Variants in NSG2 observed in about 807,000 individuals in gnomAD.
The protein encoded by NSG2 is neuronal vesicle trafficking associated 2, also known as neuronal vesicle trafficking-associated protein 2.
Under a neutral mutation model 16.9 loss-of-function variants are expected in NSG2, and 4 were observed. That is an observed-to-expected ratio of 0.24 (90% confidence interval 0.12 to 0.54). NSG2 has a LOEUF of 0.54. NSG2 is among the 20% of genes least tolerant of loss of function. The pLI, the probability that NSG2 is intolerant of heterozygous loss-of-function variation, is 0.95. For synonymous variants in NSG2, 98 were observed against 88.7 expected, an observed-to-expected ratio of 1.11 and a Z score of -0.59; for missense variants, 179 against 221.1, an observed-to-expected ratio of 0.81 and a Z score of 1.21.
chr5:174,087,078 A>G (rs1205697262), intron 3 of NSG2, among the ~76,000 whole-genome samples: 1 of 152,192 alleles, frequency 6.6e-6, no homozygotes, highest in Non-Finnish European at 1.5e-5. Context: ...TATTGCTCAT[A>G]TAAAGTTTGA....
In NSG2 at chr5:174,107,302, T is replaced by C. The variant is rs1306414486; in HGVS notation, c.325-12T>C. ...GCTGAATGACCCCTGACTCTGTCTC[T>C]TTCTTCCCCAGCACAAACGCTGTAT... On this transcript the variant is annotated splice_polypyrimidine_tract_variant and intron_variant, in intron 4 of 4. Coordinates refer to ENST00000303177, the MANE Select transcript of NSG2 (RefSeq NM_015980.5). The surrounding 1 kb of genome is among the most constrained non-coding windows in gnomAD (Gnocchi z 4.5). 2.0e-6 allele frequency: 3 copies of C among 1,537,950 alleles called. No individual in the cohort carries two copies. The highest frequency in any genetic ancestry group is 2.6e-6 in the Non-Finnish European group (3 of 1,137,450).
At chr5:174,106,025 C>G (rs1399470408) in intron 4 of NSG2, among the ~76,000 whole-genome samples, 1 of 152,130 alleles carries the variant, frequency 6.6e-6, no homozygotes, top group Non-Finnish European at 1.5e-5. Flanking sequence ...GAAGGCAGGC[C>G]TCCATACACG....
chr5:174,078,186 C>A (rs1484893562), intron 3 of NSG2, among the ~76,000 whole-genome samples: 1 of 152,162 alleles, frequency 6.6e-6, no homozygotes, highest in African/African-American at 2.4e-5. Flanking sequence ...GCAGAAAGTT[C>A]TGTTAGTCCA....
chr5:174,047,972 C>A (rs1056639626), intron 2 of NSG2, among the ~76,000 whole-genome samples: 2 of 152,168 alleles, frequency 1.3e-5, no homozygotes, highest in Non-Finnish European at 2.9e-5. Context: ...TTGGCTTCAA[C>A]CAATCAACAG....
chr5:174,080,554 T>TCTCTCTCTCTCTCTCTCTCTC (rs1398255846), intron 3 of NSG2, among the ~76,000 whole-genome samples: 21 of 146,058 alleles, frequency 1.4e-4, no homozygotes, highest in African/African-American at 2.1e-4. Context: ...TCTCTCTTTC[T>TCTCTCTCTCTCTCTCTCTCTC]TTTCTTTCTT....
intron 3 of NSG2, among the ~76,000 whole-genome samples, chr5:174,098,737 C>T (rs867915604): frequency 6.6e-6 from 1 of 152,138 alleles, no homozygotes; most frequent in African/African-American, 2.4e-5. Flanking sequence ...GCACAGCATC[C>T]GGCTCACAGT....
At chr5:174,097,577 GTGTC>G (rs1476310651) in intron 3 of NSG2, among the ~76,000 whole-genome samples, 3 of 146,266 alleles carry the variant, frequency 2.1e-5, no homozygotes, top group South Asian at 2.2e-4. Context: ...AACTGTGTGT[GTGTC>G]TGTGTGTGTG....
At chr5:174,095,912 A>T (rs1760788978) in intron 3 of NSG2, among the ~76,000 whole-genome samples, 1 of 152,252 alleles carries the variant, frequency 6.6e-6, no homozygotes, top group Non-Finnish European at 1.5e-5. Context: ...ATAATTAGTG[A>T]ATAAAATATC....
In NSG2 at chr5:174,064,270, G is replaced by C. The variant is rs750652527; in HGVS notation, c.168G>C (p.Gln56His). The C allele has an allele frequency of 6.2e-7, 1 of 1,612,274 alleles. No individual in the cohort carries two copies. The highest frequency in any genetic ancestry group is 1.1e-5 in the South Asian group (1 of 90,656). ...VKTRTEYQPE[Q>H]KNKGKFRVPK... ...CAAGAACGGAATATCAGCCGGAACAGAAGAACAAAGGGAAGTTCCGGGTGC... is the reference window on the plus strand; with the variant it reads ...CAAGAACGGAATATCAGCCGGAACACAAGAACAAAGGGAAGTTCCGGGTGC... Residue 56 changes from glutamine to histidine, a missense_variant, in exon 3 of 5, where the codon CAG (glutamine) becomes CAC (histidine). Coordinates refer to ENST00000303177, the MANE Select transcript of NSG2 (RefSeq NM_015980.5).
chr5:174,107,388 C>T lies in NSG2; in HGVS notation c.399C>T (p.Tyr133=). 2 of 1,608,526 alleles carry T rather than the reference C, an allele frequency of 1.2e-6. No individual in the cohort carries two copies. The highest frequency in any genetic ancestry group is 8.5e-7 in the Non-Finnish European group (1 of 1,175,578). The change falls in exon 5 of 5, where the codon TAC becomes TAT. Residue 133 remains tyrosine (Y), a synonymous_variant. Transcript: ENST00000303177. This position sits in a 1 kb window ranked among gnomAD's most constrained non-coding sequence, Gnocchi z 4.5. ...SQDPNSRSRF[Y]TVISHYSVAK... Reference sequence around the variant, plus strand: ...ACCCCAATTCCAGAAGCCGCTTCTACACAGTCATCAGCCACTACAGCGTGG... The same window carrying T: ...ACCCCAATTCCAGAAGCCGCTTCTATACAGTCATCAGCCACTACAGCGTGG...
chr5:174,093,551 G>C (rs1464874601), intron 3 of NSG2, among the ~76,000 whole-genome samples: 1 of 152,168 alleles, frequency 6.6e-6, no homozygotes, highest in African/African-American at 2.4e-5. Flanking sequence ...AAGAACCCAG[G>C]TGTCATCTGG....
At chr5:174,082,255 G>T (rs1760491813) in intron 3 of NSG2, 1 of 152,188 alleles carries the variant, frequency 6.6e-6, no homozygotes, top group African/African-American at 2.4e-5. Flanking sequence ...GGGGTAGATG[G>T]TATGGATGAT....
At chr5:174,088,292 G>A (rs1043412928) in intron 3 of NSG2, among the ~76,000 whole-genome samples, 2 of 152,218 alleles carry the variant, frequency 1.3e-5, no homozygotes, top group African/African-American at 4.8e-5. Context: ...GGTGGTAATA[G>A]TGGGAGAAGC....
At chr5:174,091,604 G>A (rs1165064464) in intron 3 of NSG2, among the ~76,000 whole-genome samples, 8 of 151,852 alleles carry the variant, frequency 5.3e-5, no homozygotes, top group African/African-American at 1.9e-4. Flanking sequence ...TGGGAGGCAT[G>A]CCAGTAGCAG....
chr5:174,051,247 C>CA (rs1759884292), intron 2 of NSG2, among the ~76,000 whole-genome samples: 1 of 152,100 alleles, frequency 6.6e-6, no homozygotes, highest in African/African-American at 2.4e-5. Context: ...CCAAGTCCCC[C>CA]AGTCCTGCCC....
chr5:174,095,832 G>A (rs1760787741), intron 3 of NSG2, among the ~76,000 whole-genome samples: 1 of 152,238 alleles, frequency 6.6e-6, no homozygotes, highest in African/African-American at 2.4e-5. Flanking sequence ...TATGCAAGCA[G>A]GGATTCCCCT....
intron 3 of NSG2, among the ~76,000 whole-genome samples, chr5:174,073,248 C>T (rs1449688205): frequency 6.6e-6 from 1 of 152,212 alleles, no homozygotes; most frequent in Non-Finnish European, 1.5e-5. Context: ...AATTTTTCAT[C>T]AAAACTCCAG....
intron 3 of NSG2, among the ~76,000 whole-genome samples, chr5:174,096,960 T>C (rs570163767): frequency 6.6e-6 from 1 of 152,292 alleles, no homozygotes; most frequent in Admixed American, 6.5e-5. Flanking sequence ...CTGGGGAACC[T>C]TGGGGAAGTC....
rs1052752933 is a variant in NSG2 at position 174,045,826 on chromosome 5, C to T, written c.-40C>T. 1 of 152,432 alleles carries T rather than the reference C, an allele frequency of 6.6e-6. No individual in the cohort carries two copies. Among genetic ancestry groups the T allele is most frequent in the Non-Finnish European group, 1.5e-5 (1 of 68,096 alleles). The allele number at this position is 152,432 out of a possible 1,614,324, so 9.4% of individuals were successfully genotyped here. A position where few individuals can be genotyped will look rare whatever the true frequency, so the allele number is the denominator to read the frequency against. The stretch of plus-strand genomic sequence containing the variant: ...AAATTGGCTTGAATCTGCTCTGACC[C>T]CCCACGAGTGCAGCACAGTAAGTAG... On this transcript the variant is annotated 5_prime_UTR_variant, in exon 1 of 5. Transcript: ENST00000303177.
Sources: gnomAD v4.1 joint callset for allele counts (sites outside exome capture counted in the v4.1 genomes callset) on GRCh38, gnomAD v4.1.1 for gene constraint, Gnocchi (gnomAD v3.1) non-coding constraint, MANE v1.5 for transcripts, NCBI Gene and HGNC (gene_info 2026-07-23, HGNC 2026-07-21) for gene names.